THOC6: variants seen among roughly 807,000 people sequenced by gnomAD.
The protein encoded by THOC6 is THO complex subunit 6.
A neutral mutation model predicts 55.8 loss-of-function variants in THOC6; 39 were observed. The ratio of observed to expected loss-of-function variants is 0.70; its 90% CI spans 0.54 to 0.91. The LOEUF (loss-of-function observed/expected upper bound fraction) is 0.91. Ranked by LOEUF, THOC6 falls within the 40% of genes least tolerant of loss-of-function variation. The pLI is 0.00. For missense variants in THOC6, 482 were observed against 442.0 expected (o/e 1.09, Z -0.81); for synonymous variants, 192 against 175.6 (o/e 1.09, Z -0.74).
rs763736216 is a variant in THOC6, at chr16:3,024,355, C to T, written c.29C>T (p.Pro10Leu). 4 of 1,614,026 alleles carry T rather than the reference C, an allele frequency of 2.5e-6. No individual in the cohort carries two copies. Among genetic ancestry groups the T allele is most frequent in the African/African-American group, 2.7e-5 (2 of 74,910 alleles). The change falls in exon 1 of 13, where the codon CCT becomes CTT. Residue 10 changes from proline (P) to leucine (L), a missense_variant. Physicochemically the swap from Pro to Leu is moderately conservative, Grantham distance 98. Coordinates refer to ENST00000326266, the MANE Select transcript of THOC6 (RefSeq NM_024339.5). ...GAGCGAGCTGTGCCGCTCGCGGTGC[C>T]TCTGGGTCAGGTGAGACGGACGTGG... MERAVPLAV[P>L]LGQTEVFQAL...
chr16:3,024,646 T>TG (rs2072736132), intron 1 of THOC6, among the ~76,000 whole-genome samples: 1 of 149,656 alleles, frequency 6.7e-6, no homozygotes, highest in Non-Finnish European at 1.5e-5. Context: ...ACTTTTTTTT[T>TG]TTTTTTGAGA....
Position 3,027,680 on chromosome 16 carries a change from G to C in THOC6, c.*23G>C, listed in dbSNP as rs755829879. The C allele has an allele frequency of 1.3e-6, 2 of 1,598,720 alleles. No individual in the cohort carries two copies. Among genetic ancestry groups the C allele is most frequent in the East Asian group, 2.2e-5 (1 of 44,798 alleles). On this transcript the variant is annotated 3_prime_UTR_variant, in exon 13 of 13. Coordinates refer to ENST00000326266, the MANE Select transcript of THOC6 (RefSeq NM_024339.5). ...TGATCTCTGACGACACCCCCAGCCA[G>C]CTCAGGGTTTTAGAGTGTTTTTCAT...
rs753427277 is a variant in THOC6 at position 3,024,357 on chromosome 16, C to T, written c.31C>T (p.Leu11=). The change falls in exon 1 of 13, where the codon CTG becomes TTG. Residue 11 remains leucine, a synonymous_variant. Coordinates refer to ENST00000326266, the MANE Select transcript of THOC6 (RefSeq NM_024339.5). ...GCGAGCTGTGCCGCTCGCGGTGCCT[C>T]TGGGTCAGGTGAGACGGACGTGGTG... is the stretch of plus-strand genomic sequence containing the variant. The part of the protein sequence containing the change: MERAVPLAVP[L]GQTEVFQALQ... The T allele has an allele frequency of 2.5e-6, 4 of 1,614,126 alleles. No individual in the cohort carries two copies. In the South Asian group the frequency reaches 3.3e-5, roughly 13 times the overall value.
intron 1 of THOC6, among the ~76,000 whole-genome samples, chr16:3,024,794 C>A (rs1228248161): frequency 1.3e-5 from 2 of 151,258 alleles, no homozygotes; most frequent in Non-Finnish European, 2.9e-5. Context: ...GCCACCATGC[C>A]CAGCTAATTT....
chr16:3,026,233 G>A lies in THOC6; in HGVS notation c.325-18G>A. On this transcript the variant is annotated intron_variant, in intron 4 of 12. Transcript: ENST00000326266. ...CAGAGAGAGCCTTTGAGGTCACCTGGTATTTTCTCTTTTGAAGGGCTGTAA... is the reference window on the plus strand; with the variant it reads ...CAGAGAGAGCCTTTGAGGTCACCTGATATTTTCTCTTTTGAAGGGCTGTAA... 1.2e-6 allele frequency: 2 copies of A among 1,614,154 alleles called. No individual in the cohort carries two copies. The highest frequency in any genetic ancestry group is 1.7e-6 in the Non-Finnish European group (2 of 1,180,018).
chr16:3,027,414 G>A lies in THOC6; in HGVS notation c.859G>A (p.Gly287Arg), dbSNP rs374499488. The A allele has an allele frequency of 2.3e-5, 37 of 1,612,284 alleles. No homozygotes were observed. The Admixed American group carries it at 3.5e-4, about 15-fold the overall frequency. ...CTGCGTCAACCAGTGGCAGCTGAGC[G>A]GGGAGCTGAAGGCCCAGGTGCCTGG... ...GRCVNQWQLS[G>R]ELKAQVPGSS... Residue 287 changes from glycine to arginine, a missense_variant, in exon 12 of 13, where the codon GGG becomes AGG. Coordinates refer to ENST00000326266, the MANE Select transcript of THOC6 (RefSeq NM_024339.5).
At position 3,027,344 on chromosome 16, in the gene THOC6, G is replaced by A. The variant is rs770517899; in HGVS notation, c.811-22G>A. The A allele has an allele frequency of 1.9e-6, 3 of 1,613,798 alleles. No homozygotes were observed. The African/African-American group carries it at 4.0e-5, about 21-fold the overall frequency. On this transcript the variant is annotated intron_variant, in intron 11 of 12. Transcript: ENST00000326266. ...TCTTCCCTTCAGTCCTGACCCCTGA[G>A]CACCTTCCCTGTCCTCTGCAGATTC... is the stretch of plus-strand genomic sequence containing the variant.
Position 3,026,741 on chromosome 16 carries a change from G to C in THOC6, c.546G>C (p.Glu182Asp), listed in dbSNP as rs757827268. 18 of 1,613,834 alleles carry C rather than the reference G, an allele frequency of 1.1e-5. No homozygotes were observed. Among genetic ancestry groups the C allele is most frequent in the Non-Finnish European group, 1.4e-5 (17 of 1,179,952 alleles). ...HCLALRERSP[E>D]VLSGGEDGAV... ...TGGCACTGCGGGAAAGGAGCCCAGA[G>C]GTGCTGTCAGGTGGCGAGGATGGAG... is the stretch of plus-strand genomic sequence containing the variant. The change falls in exon 8 of 13, where the codon GAG becomes GAC. Residue 182 changes from glutamate (E) to aspartate (D), a missense_variant. By Grantham distance (45) the Glu-to-Asp change is conservative. Coordinates refer to ENST00000326266, the MANE Select transcript of THOC6 (RefSeq NM_024339.5).
intron 4 of THOC6, 21 bp from the exon 5 acceptor site, chr16:3,026,230 C>T (rs1165803707): frequency 1.2e-6 from 2 of 1,614,104 alleles, no homozygotes; most frequent in Non-Finnish European, 1.7e-6. Context: ...TTGAGGTCAC[C>T]TGGTATTTTC....
In THOC6 at chr16:3,024,064, A is replaced by G; in HGVS notation, c.-263A>G. 2.3e-6 allele frequency: 2 copies of G among 855,218 alleles called. No individual in the cohort carries two copies. Among genetic ancestry groups the G allele is most frequent in the Non-Finnish European group, 3.5e-6 (2 of 564,382 alleles). 53.0% of individuals were successfully genotyped at this position (855,218 alleles called of 1,614,324 possible). A position where few individuals can be genotyped will look rare whatever the true frequency, so the allele number is the denominator to read the frequency against. On this transcript the variant is annotated 5_prime_UTR_variant, in exon 1 of 13. Transcript: ENST00000326266. ...CCGCGAGGTTCTGCGCGGGCGCGGAAGACGGGCGGCGCGTGGCGGAAGGCA... is the reference window on the plus strand; with the variant it reads ...CCGCGAGGTTCTGCGCGGGCGCGGAGGACGGGCGGCGCGTGGCGGAAGGCA...
In THOC6 at chr16:3,027,223, C is replaced by T. The variant is rs771059071; in HGVS notation, c.753C>T (p.Pro251=). Residue 251 remains proline, a synonymous_variant, in exon 11 of 13, where the codon CCC becomes CCT. Transcript: ENST00000326266. ...LTLWHLRSST[P]TTIFPIRAPQ... ...TCTGGCACCTCCGATCCTCCACACC[C>T]ACCACCATCTTCCCCATCCGGGCGC... The T allele has an allele frequency of 1.2e-6, 2 of 1,614,214 alleles. No individual in the cohort carries two copies. The highest frequency in any genetic ancestry group is 1.1e-5 in the South Asian group (1 of 91,090).
In THOC6 at chr16:3,025,766, C is replaced by T. The variant is rs2072770135; in HGVS notation, c.98C>T (p.Ser33Leu). 2 of 1,614,236 alleles carry T rather than the reference C, an allele frequency of 1.2e-6. No homozygotes were observed. The highest frequency in any genetic ancestry group is 1.7e-6 in the Non-Finnish European group (2 of 1,180,044). The stretch of plus-strand genomic sequence containing the variant: ...ATGACCATCTTCTCCCAGAGCGTCT[C>T]ACCATGTGGGAAGTTTCTGGCGGCT... Reference protein sequence around the residue: ...LHMTIFSQSVSPCGKFLAAGN... With the variant: ...LHMTIFSQSVLPCGKFLAAGN... The change falls in exon 2 of 13, where the codon TCA (serine) becomes TTA (leucine). Residue 33 changes from serine (S) to leucine (L), a missense_variant. Transcript: ENST00000326266.
chr16:3,025,587 A>G, intron 1 of THOC6, 121 bp from the exon 2 acceptor site: 1 of 900,074 alleles, frequency 1.1e-6, no homozygotes, highest in South Asian at 1.6e-5. Context: ...GGCCGCCTCA[A>G]AAGAAGGCTG....
intron 4 of THOC6, 22 bp downstream of exon 4, chr16:3,026,188 A>G: frequency 6.2e-7 from 1 of 1,612,022 alleles, no homozygotes; most frequent in Non-Finnish European, 8.5e-7. Flanking sequence ...AGCTTGGGAA[A>G]GGGCTGGGGT....
At position 3,026,394 on chromosome 16, in the gene THOC6, C is replaced by A; in HGVS notation, c.392C>A (p.Ala131Asp). The A allele has an allele frequency of 6.2e-7, 1 of 1,614,102 alleles. No homozygotes were observed. The highest frequency in any genetic ancestry group is 8.5e-7 in the Non-Finnish European group (1 of 1,180,028). Residue 131 changes from alanine (A) to aspartate (D), a missense_variant, in exon 6 of 13, where the codon GCT (alanine) becomes GAT (aspartate). Transcript: ENST00000326266. The stretch of plus-strand genomic sequence containing the variant: ...AGCCTGGAAGTGCCTGAGATCAACG[C>A]TTTGCTGCTGGTCCCCAAGGTCTGA... ...RTSLEVPEIN[A>D]LLLVPKENSL...
At chr16:3,027,125 G>C (rs2072816886) in intron 10 of THOC6, 45 bp from the exon 11 acceptor site, 1 of 1,614,034 alleles carries the variant, frequency 6.2e-7, no homozygotes, top group African/African-American at 1.3e-5. Context: ...CCTGTCAGCT[G>C]TGGGCCTGTG....
chr16:3,024,324 G>C lies in THOC6; in HGVS notation c.-3G>C, dbSNP rs1176386670. The C allele has an allele frequency of 6.8e-6, 11 of 1,614,042 alleles. No homozygotes were observed. The highest frequency in any genetic ancestry group is 1.3e-5 in the African/African-American group (1 of 74,938). ...GAGCACTCTGGGACTTGTAGTTCTG[G>C]AGATGGAGCGAGCTGTGCCGCTCGC... On this transcript the variant is annotated 5_prime_UTR_variant, in exon 1 of 13. Transcript: ENST00000326266.
rs767157130 is a variant in THOC6, at chr16:3,027,360, C to T, written c.811-6C>T. ...GACCCCTGAGCACCTTCCCTGTCCT[C>T]TGCAGATTCTGTCAGCTGGCCAGGG... On this transcript the variant is annotated splice_region_variant and splice_polypyrimidine_tract_variant and intron_variant, in intron 11 of 12. Coordinates refer to ENST00000326266, the MANE Select transcript of THOC6 (RefSeq NM_024339.5). The T allele has an allele frequency of 1.9e-6, 3 of 1,613,254 alleles. No individual in the cohort carries two copies. Among genetic ancestry groups the T allele is most frequent in the East Asian group, 4.5e-5 (2 of 44,860 alleles).
Position 3,025,839 on chromosome 16 carries a change from G to A in THOC6, c.155+16G>A. ...CCATCTTCAGGTACCCTCTGCCGCT[G>A]TCCACCCATTAGCCCTGGCACTTGG... On this transcript the variant is annotated intron_variant, in intron 2 of 12. Coordinates refer to ENST00000326266, the MANE Select transcript of THOC6 (RefSeq NM_024339.5). The A allele has an allele frequency of 1.2e-6, 2 of 1,614,172 alleles. No individual in the cohort carries two copies. The highest frequency in any genetic ancestry group is 1.7e-6 in the Non-Finnish European group (2 of 1,179,988).
Sources: gnomAD v4.1 joint callset for allele counts (sites outside exome capture counted in the v4.1 genomes callset) on GRCh38, gnomAD v4.1.1 for gene constraint, MANE v1.5 for transcripts, NCBI Gene and HGNC (gene_info 2026-07-23, HGNC 2026-07-21) for gene names.